The following ITGA11 variants were observed in gnomAD, a reference collection of about 807,000 sequenced individuals.
ITGA11 encodes the protein integrin subunit alpha 11.
A neutral mutation model predicts 141.9 loss-of-function variants in ITGA11; 97 were observed. The observed-to-expected ratio is 0.68, with a 90% CI of 0.58 to 0.81. ITGA11 has a LOEUF of 0.81. ITGA11 is among the 30% of genes least tolerant of loss of function. ITGA11 has a pLI of 0.00. For synonymous variants in ITGA11, 658 were observed against 624.6 expected (o/e 1.05, Z -0.80); for missense variants, 1,387 against 1,559.2 (o/e 0.89, Z 1.86).
intron 4 of ITGA11, among the ~76,000 whole-genome samples, chr15:68,364,198 G>A (rs543520259): frequency 6.6e-6 from 1 of 152,314 alleles, no homozygotes; most frequent in South Asian, 2.1e-4. Context: ...GGATAGTTGA[G>A]ACGGCTTGTC....
At chr15:68,334,999 C>T (rs1894300094) in intron 12 of ITGA11, among the ~76,000 whole-genome samples, 1 of 152,040 alleles carries the variant, frequency 6.6e-6, no homozygotes, top group African/African-American at 2.4e-5. Context: ...GGAGCGGATT[C>T]TCACAGTGAC....
At chr15:68,336,198 A>T in intron 11 of ITGA11, 1 of 255,758 alleles carries the variant, frequency 3.9e-6, no homozygotes, top group Admixed American at 5.1e-5. Flanking sequence ...AGTAGGGCAG[A>T]CTCTAGCCTC....
At chr15:68,373,638 T>TC (rs886337475) in intron 2 of ITGA11, among the ~76,000 whole-genome samples, 4 of 152,162 alleles carry the variant, frequency 2.6e-5, no homozygotes, top group Admixed American at 6.5e-5. Context: ...GGAGAGTTTA[T>TC]CCCCCAGCTG....
chr15:68,347,764 T>G (rs1037973464), intron 10 of ITGA11, among the ~76,000 whole-genome samples: 1 of 152,196 alleles, frequency 6.6e-6, no homozygotes, highest in Non-Finnish European at 1.5e-5. Context: ...ATGTGTAAAC[T>G]AGGAACAAGG....
intron 13 of ITGA11, 43 bp from the exon 14 acceptor site, chr15:68,332,105 A>G (rs766049360): frequency 4.0e-6 from 6 of 1,502,098 alleles, no homozygotes; most frequent in Non-Finnish European, 5.5e-6. Flanking sequence ...GGGTTTGGCA[A>G]AAGTCCTCAG....
rs533604323 is a variant in ITGA11, at chr15:68,322,944, C to T, written c.2323-1441G>A. Among the ~76,000 whole-genome samples, 33 of 151,984 alleles carry T rather than the reference C, an allele frequency of 2.2e-4. No homozygotes were observed. The highest frequency in any genetic ancestry group is 7.0e-4 in the African/African-American group (29 of 41,434). On this transcript the variant is annotated intron_variant, in intron 18 of 29. Coordinates refer to ENST00000315757, the MANE Select transcript of ITGA11 (RefSeq NM_001004439.2). This position sits in a 1 kb window ranked among gnomAD's most constrained non-coding sequence, Gnocchi z 5.6. ...TGAAGTGCCTGTGGCCCACCCAGGG[C>T]GAGGACCTCAGCAGGCAGATGGATA...
intron 6 of ITGA11, among the ~76,000 whole-genome samples, chr15:68,358,168 C>T (rs1484867116): frequency 1.3e-5 from 2 of 152,200 alleles, no homozygotes; most frequent in South Asian, 2.1e-4. Flanking sequence ...CTAGATTCCA[C>T]TCAACCATTC....
Position 68,357,225 on chromosome 15 carries a change from C to T in ITGA11, c.675G>A (p.Val225=), listed in dbSNP as rs1196343548. 1.9e-6 allele frequency: 3 copies of T among 1,613,922 alleles called. No individual in the cohort carries two copies. The highest frequency in any genetic ancestry group is 1.6e-4 in the Middle Eastern group (1 of 6,062). The change falls in exon 7 of 30, where the codon GTG becomes GTA. Residue 225 remains valine (V), a synonymous_variant. Transcript: ENST00000315757. ...HLNDYRSVKD[V]VEAASHIEQR... ...GCTCAATGTGGCTGGCAGCTTCCAC[C>T]ACATCTTTTACAGACCTGTAGTCGT...
intron 2 of ITGA11, among the ~76,000 whole-genome samples, chr15:68,393,249 G>A (rs534198129): frequency 6.6e-6 from 1 of 152,070 alleles, no homozygotes; most frequent in African/African-American, 2.4e-5. Flanking sequence ...TGGCGAGAAG[G>A]CCTAACATAC....
intron 1 of ITGA11, among the ~76,000 whole-genome samples, chr15:68,426,257 T>A (rs1280083037): frequency 6.6e-6 from 1 of 152,212 alleles, no homozygotes; most frequent in East Asian, 1.9e-4. Flanking sequence ...CACTTATTAG[T>A]GCGGTTCAGC....
intron 1 of ITGA11, among the ~76,000 whole-genome samples, chr15:68,415,393 G>C (rs975185718): frequency 8.5e-5 from 13 of 152,218 alleles, no homozygotes; most frequent in Admixed American, 3.3e-4. Flanking sequence ...CCATTTGAAG[G>C]CTGGATAGAG....
In ITGA11 at chr15:68,322,356, A is replaced by G. The variant is rs1464107453; in HGVS notation, c.2323-853T>C. ...GAGTGAGAAGATGGAGGCTCGAGGC[A>G]GGGAGACCATTGAGGAGGCTGCCAC... is the stretch of plus-strand genomic sequence containing the variant. On this transcript the variant is annotated intron_variant, in intron 18 of 29. Transcript: ENST00000315757. This position sits in a 1 kb window ranked among gnomAD's most constrained non-coding sequence, Gnocchi z 5.6. Among the ~76,000 whole-genome samples the G allele has an allele frequency of 6.6e-6, 1 of 152,118 alleles. No homozygotes were observed. Among genetic ancestry groups the G allele is most frequent in the Non-Finnish European group, 1.5e-5 (1 of 68,004 alleles).
At chr15:68,343,546 A>G (rs1481716582) in intron 10 of ITGA11, among the ~76,000 whole-genome samples, 3 of 152,104 alleles carry the variant, frequency 2.0e-5, no homozygotes, top group African/African-American at 7.2e-5. Flanking sequence ...GGTGCCAGTA[A>G]TTCTTCCTTC....
rs758160959 is a variant in ITGA11, at chr15:68,325,137, T to G, written c.2316A>C (p.Arg772Ser). The G allele has an allele frequency of 1.5e-5, 24 of 1,612,946 alleles. No homozygotes were observed. Among genetic ancestry groups the G allele is most frequent in the Non-Finnish European group, 1.8e-5 (21 of 1,179,202 alleles). The change falls in exon 18 of 30, where the codon AGA (arginine) becomes AGC (serine). Residue 772 changes from arginine (R) to serine (S), a missense_variant. Transcript: ENST00000315757. This position sits in a 1 kb window ranked among gnomAD's most constrained non-coding sequence, Gnocchi z 5.5. Reference sequence around the variant, plus strand: ...GCCCTGTACCGAGATGTACCGAGACTCTGAGAGTGGTGGGCCAGCCGTCGT... The same window carrying G: ...GCCCTGTACCGAGATGTACCGAGACGCTGAGAGTGGTGGGCCAGCCGTCGT... The part of the protein sequence containing the change: ...MLDDGWPTTL[R>S]VSVPFWNGCN...
Position 68,326,559 on chromosome 15 carries a change from G to T in ITGA11, c.2211+95C>A. On this transcript the variant is annotated intron_variant, in intron 17 of 29. Coordinates refer to ENST00000315757, the MANE Select transcript of ITGA11 (RefSeq NM_001004439.2). The surrounding 1 kb of genome is among the most constrained non-coding windows in gnomAD (Gnocchi z 6.8). ...GGCTGGCTTCCTGAGGTCTGCTGGG[G>T]GCTTAGAACCAGCCAGGCAGACTCT... The T allele has an allele frequency of 1.4e-6, 2 of 1,388,184 alleles. No homozygotes were observed. Among genetic ancestry groups the T allele is most frequent in the Non-Finnish European group, 1.9e-6 (2 of 1,034,674 alleles). The allele number at this position is 1,388,184 out of a possible 1,614,324, so 86.0% of individuals were successfully genotyped here.
intron 5 of ITGA11, 47 bp from the exon 6 acceptor site, chr15:68,358,632 C>G (rs150384281): frequency 1.3e-6 from 2 of 1,567,448 alleles, no homozygotes; most frequent in South Asian, 2.4e-5. Flanking sequence ...GCAGTGTCTG[C>G]GAGTCTCTGA....
At position 68,303,753 on chromosome 15, in the gene ITGA11, C is replaced by T. The variant is rs762248769; in HGVS notation, c.3495+19G>A. On this transcript the variant is annotated intron_variant, in intron 29 of 29. Transcript: ENST00000315757. The surrounding 1 kb of genome is among the most constrained non-coding windows in gnomAD (Gnocchi z 5.3). Reference sequence around the variant, plus strand: ...CCAGCCAGGATGCTGCTCCTTCCCTCCCCTGCCAGGGCCCTCACCTTCCAC... The same window carrying T: ...CCAGCCAGGATGCTGCTCCTTCCCTTCCCTGCCAGGGCCCTCACCTTCCAC... 2 of 1,559,372 alleles carry T rather than the reference C, an allele frequency of 1.3e-6. No individual in the cohort carries two copies. The highest frequency in any genetic ancestry group is 8.8e-7 in the Non-Finnish European group (1 of 1,133,918).
rs566430020 is a variant in ITGA11, at chr15:68,305,687, A to G, written c.3381+1661T>C. 6.6e-6 allele frequency among the ~76,000 whole-genome samples: 1 copy of G among 152,222 alleles called. No homozygotes were observed. Among genetic ancestry groups the G allele is most frequent in the East Asian group, 1.9e-4 (1 of 5,176 alleles). ...ATGCCTCGGTGTGCATACCTGAGAGATGGGGGTGGGGACAGTGCCTCACAG... is the reference window on the plus strand; with the variant it reads ...ATGCCTCGGTGTGCATACCTGAGAGGTGGGGGTGGGGACAGTGCCTCACAG... On this transcript the variant is annotated intron_variant, in intron 28 of 29. Transcript: ENST00000315757. This position sits in a 1 kb window ranked among gnomAD's most constrained non-coding sequence, Gnocchi z 4.6.
At chr15:68,365,100 G>C in intron 3 of ITGA11, 1 of 971,832 alleles carries the variant, frequency 1.0e-6, no homozygotes, top group Non-Finnish European at 1.2e-6. Context: ...CATCCGACTG[G>C]AGCCCCACTT....
Sources: gnomAD v4.1 joint callset for allele counts (sites outside exome capture counted in the v4.1 genomes callset) on GRCh38, gnomAD v4.1.1 for gene constraint, Gnocchi (gnomAD v3.1) non-coding constraint, MANE v1.5 for transcripts, NCBI Gene and HGNC (gene_info 2026-07-23, HGNC 2026-07-21) for gene names.